The following SYT16 variants were observed in gnomAD, a reference collection of about 807,000 sequenced individuals.
SYT16 encodes the protein synaptotagmin-16.
In SYT16, 42 loss-of-function variants were observed where a neutral mutation model predicts 61.4. The observed-to-expected ratio is 0.68, with a 90% confidence interval of 0.53 to 0.89. The LOEUF is 0.89. Among genes scored for constraint, SYT16 ranks in the 40% least tolerant of loss-of-function variants. The probability of loss-of-function intolerance (pLI) is 0.00; values close to 1 mark genes in which losing one functional copy is unlikely to be tolerated. For missense variants in SYT16, 804 were observed against 807.3 expected (o/e 1.00, Z 0.05); for synonymous variants, 314 against 302.3 (o/e 1.04, Z -0.40).
intron 3 of SYT16, among the ~76,000 whole-genome samples, chr14:62,043,953 A>G (rs538522540): frequency 1.8e-4 from 27 of 152,286 alleles, no homozygotes; most frequent in African/African-American, 6.0e-4. Flanking sequence ...GATTACAGGC[A>G]TGAACCACCA....
chr14:61,841,416 T>A (rs1463723503), intron 1 of SYT16, among the ~76,000 whole-genome samples: 1 of 152,212 alleles, frequency 6.6e-6, no homozygotes, highest in African/African-American at 2.4e-5. Flanking sequence ...TCATATTCAT[T>A]AGCATGTAAT....
intron 3 of SYT16, among the ~76,000 whole-genome samples, chr14:62,044,528 A>G (rs1241702474): frequency 1.3e-5 from 2 of 151,664 alleles, no homozygotes; most frequent in Non-Finnish European, 2.9e-5. Flanking sequence ...TTCAACTCCT[A>G]CTTATGGGTG....
At chr14:62,042,297 C>G (rs1212606552) in intron 3 of SYT16, among the ~76,000 whole-genome samples, 1 of 152,110 alleles carries the variant, frequency 6.6e-6, no homozygotes, top group African/African-American at 2.4e-5. Context: ...GCCACCACGC[C>G]CAGCCCAAAC....
rs201027933 is a variant in SYT16, at chr14:61,996,176, C to G, written c.157C>G (p.Leu53Val). 1.4e-5 allele frequency: 22 copies of G among 1,613,452 alleles called. No individual in the cohort carries two copies. The highest frequency in any genetic ancestry group is 1.9e-5 in the Non-Finnish European group (22 of 1,179,572). The change falls in exon 3 of 8, where the codon CTA (leucine) becomes GTA (valine). Residue 53 changes from leucine (L) to valine (V), a missense_variant. Leu to Val is a conservative substitution (Grantham distance 32). Coordinates refer to ENST00000683842, the MANE Select transcript of SYT16 (RefSeq NM_001367656.1). ...SKQDSKLSDK[L>V]DQDLDNIQIQ... The stretch of plus-strand genomic sequence containing the variant: ...ACAAGACTCTAAATTGAGTGACAAA[C>G]TAGATCAGGACTTAGATAATATTCA...
rs1016678221 is a variant in SYT16, at chr14:61,996,385, G to A, written c.366G>A (p.Gln122=). The A allele has an allele frequency of 3.7e-6, 6 of 1,613,500 alleles. No individual in the cohort carries two copies. Among genetic ancestry groups the A allele is most frequent in the South Asian group, 2.2e-5 (2 of 91,050 alleles). ...HAKDSCSTMS[Q]WPNWASDDRK... ...AGGACTCATGTTCCACAATGTCCCA[G>A]TGGCCCAATTGGGCCAGTGATGACC... The change falls in exon 3 of 8, where the codon CAG becomes CAA. Residue 122 remains glutamine (Q), a synonymous_variant. Coordinates refer to ENST00000683842, the MANE Select transcript of SYT16 (RefSeq NM_001367656.1).
intron 1 of SYT16, among the ~76,000 whole-genome samples, chr14:61,893,532 T>C (rs910658029): frequency 4.6e-5 from 7 of 152,228 alleles, no homozygotes; most frequent in Non-Finnish European, 7.3e-5. Flanking sequence ...TCATATACTG[T>C]GCAAAAAGAA....
intron 1 of SYT16, among the ~76,000 whole-genome samples, chr14:61,960,686 C>CT (rs1280985606): frequency 6.6e-6 from 1 of 152,094 alleles, no homozygotes; most frequent in African/African-American, 2.4e-5. Context: ...TTTGAATGCT[C>CT]TTTTTTTCTT....
At chr14:61,825,362 A>T (rs950562957) in intron 1 of SYT16, among the ~76,000 whole-genome samples, 25 of 152,240 alleles carry the variant, frequency 1.6e-4, no homozygotes, top group African/African-American at 6.0e-4. Flanking sequence ...TAACAAAGCC[A>T]GTTTTACCAT....
rs564519493 is a variant in SYT16, at chr14:61,874,187, G to C, written c.-325+61377G>C. The stretch of plus-strand genomic sequence containing the variant: ...AAAACAATTTTGTTCCTATTGACAA[G>C]GGACAGTCCCTTTCAAAGACATTAC... On this transcript the variant is annotated intron_variant, in intron 1 of 7. Transcript: ENST00000683842. Among the ~76,000 whole-genome samples, 123 of 152,322 alleles carry C rather than the reference G, an allele frequency of 8.1e-4. 4 individuals carry two copies. In the South Asian group the frequency reaches 0.025, roughly 31 times the overall value.
In SYT16 at chr14:62,092,168, A is replaced by T. The variant is rs970171668; in HGVS notation, c.1624+7783A>T. Among the ~76,000 whole-genome samples the T allele has an allele frequency of 4.8e-4, 68 of 140,356 alleles. 1 individual carries two copies. The Middle Eastern group carries it at 0.014, about 29-fold the overall frequency. The allele number at this position is 140,356 out of a possible 152,430, so 92.1% of individuals were successfully genotyped here. ...CCACCTCATACCCATTAGGATGGCTACTATAACACACACACACACACACAC... is the reference window on the plus strand; with the variant it reads ...CCACCTCATACCCATTAGGATGGCTTCTATAACACACACACACACACACAC... On this transcript the variant is annotated intron_variant, in intron 7 of 7. Transcript: ENST00000683842.
chr14:61,873,504 A>G (rs2047395095), intron 1 of SYT16, among the ~76,000 whole-genome samples: 1 of 152,224 alleles, frequency 6.6e-6, no homozygotes, highest in Non-Finnish European at 1.5e-5. Context: ...CCCATTGGCC[A>G]CAGAGCTTGA....
chr14:61,921,783 C>A (rs1208669139), intron 1 of SYT16, among the ~76,000 whole-genome samples: 2 of 152,176 alleles, frequency 1.3e-5, no homozygotes, highest in Non-Finnish European at 2.9e-5. Context: ...GGACAGGTAG[C>A]AGGCTGTCAC....
chr14:61,926,993 C>T (rs1287977686), intron 1 of SYT16, among the ~76,000 whole-genome samples: 1 of 152,174 alleles, frequency 6.6e-6, no homozygotes, highest in Non-Finnish European at 1.5e-5. Flanking sequence ...AAAGACTCAG[C>T]TGTAATTATA....
chr14:62,070,171 A>G (rs1308020772), intron 4 of SYT16, among the ~76,000 whole-genome samples: 3 of 152,230 alleles, frequency 2.0e-5, no homozygotes, highest in Admixed American at 6.5e-5. Context: ...GTCCACTGAC[A>G]TTGAGAGTCT....
chr14:61,892,289 A>C (rs2048164475), intron 1 of SYT16, among the ~76,000 whole-genome samples: 2 of 149,882 alleles, frequency 1.3e-5, no homozygotes, highest in South Asian at 2.1e-4. Context: ...CATCCCCTTG[A>C]TTTCTCTCTC....
chr14:61,991,950 GTTCATTCA>G (rs75057544), intron 2 of SYT16, among the ~76,000 whole-genome samples: 8,473 of 149,224 alleles, frequency 0.057, 287 homozygotes, highest in Non-Finnish European at 0.072. Flanking sequence ...AACTTTGTTC[GTTCATTCA>G]TTCATTCATT....
chr14:61,880,349 T>C (rs1052175619), intron 1 of SYT16, among the ~76,000 whole-genome samples: 5 of 152,256 alleles, frequency 3.3e-5, no homozygotes, highest in African/African-American at 9.6e-5. Flanking sequence ...CACATCATAC[T>C]GTCTTAGTTG....
At position 62,107,286 on chromosome 14, in the gene SYT16, C is replaced by T. The variant is rs1459641133; in HGVS notation, c.*6579C>T. 6.6e-6 allele frequency: 1 copy of T among 151,828 alleles called. No homozygotes were observed. The highest frequency in any genetic ancestry group is 1.5e-5 in the Non-Finnish European group (1 of 67,980). 9.4% of individuals were successfully genotyped at this position (151,828 alleles called of 1,614,324 possible). ...TTGTCTCTACAAAATACCAAACATT[C>T]GCTGGGTATGGTGGTGTGCGCCTAT... On this transcript the variant is annotated 3_prime_UTR_variant, in exon 8 of 8. Transcript: ENST00000683842.
chr14:62,098,633 A>G (rs1396931691), intron 7 of SYT16, among the ~76,000 whole-genome samples: 2 of 152,248 alleles, frequency 1.3e-5, no homozygotes, highest in Non-Finnish European at 2.9e-5. Flanking sequence ...CTGACTAGAC[A>G]TGAACATTCA....
Sources: allele counts gnomAD v4.1 joint callset (sites outside exome capture counted in the v4.1 genomes callset), GRCh38; gene constraint gnomAD v4.1.1; transcripts MANE v1.5; gene names NCBI Gene and HGNC (gene_info 2026-07-23, HGNC 2026-07-21).